CA1: variants seen among roughly 807,000 people sequenced by gnomAD.
CA1 encodes carbonic anhydrase 1, also known as carbonate dehydratase I.
Under a neutral mutation model 28.8 loss-of-function variants are expected in CA1, and 27 were observed. The ratio of observed to expected loss-of-function variants is 0.94; its 90% CI spans 0.69 to 1.29. The LOEUF is 1.29. Ranked by LOEUF, CA1 falls within the 50% of genes most tolerant of loss-of-function variation. CA1 has a pLI of 0.00. For synonymous variants in CA1, 121 were observed against 108.8 expected, an observed-to-expected ratio of 1.11 and a Z score of -0.70; for missense variants, 335 against 310.5, an observed-to-expected ratio of 1.08 and a Z score of -0.59.
chr8:85,360,376 C>T (rs369166166), intron 1 of CA1, among the ~76,000 whole-genome samples: 1 of 152,168 alleles, frequency 6.6e-6, no homozygotes, highest in Non-Finnish European at 1.5e-5. Flanking sequence ...GGGCACTCAA[C>T]AGTAAAGCCT....
intron 2 of CA1, 169 bp downstream of exon 2, chr8:85,341,430 G>T (rs1808925903): frequency 2.3e-5 from 13 of 554,318 alleles, no homozygotes; most frequent in Non-Finnish European, 3.8e-5. Flanking sequence ...AGTCAGCCAT[G>T]CCCCAAAAGA....
At chr8:85,359,957 A>G (rs538797339) in intron 1 of CA1, among the ~76,000 whole-genome samples, 1 of 152,336 alleles carries the variant, frequency 6.6e-6, no homozygotes, top group Admixed American at 6.5e-5. Flanking sequence ...GACTAAAACC[A>G]TGGAAAACAT....
chr8:85,361,181 C>T (rs1344453386), intron 1 of CA1, among the ~76,000 whole-genome samples: 3 of 152,130 alleles, frequency 2.0e-5, no homozygotes, highest in Non-Finnish European at 2.9e-5. Context: ...CTCAGACACT[C>T]TCAAGGGAGC....
chr8:85,359,542 G>C (rs1361189797), intron 1 of CA1, among the ~76,000 whole-genome samples: 1 of 152,208 alleles, frequency 6.6e-6, no homozygotes, highest in Non-Finnish European at 1.5e-5. Context: ...GACCCTTCTT[G>C]TATTAATTGG....
At position 85,329,854 on chromosome 8, in the gene CA1, A is replaced by G. The variant is rs761257291; in HGVS notation, c.514-10T>C. The G allele has an allele frequency of 5.1e-6, 8 of 1,570,962 alleles. No homozygotes were observed. The highest frequency in any genetic ancestry group is 6.1e-6 in the Non-Finnish European group (7 of 1,153,310). On this transcript the variant is annotated splice_polypyrimidine_tract_variant and intron_variant, in intron 6 of 7. Coordinates refer to ENST00000523022, the MANE Select transcript of CA1 (RefSeq NM_001128831.4). The stretch of plus-strand genomic sequence containing the variant: ...ATGGGGCTCGTTTGCCCTGGAAGAA[A>G]AGAATACATCATTACAGCATGATAT...
intron 1 of CA1, among the ~76,000 whole-genome samples, chr8:85,364,445 C>T (rs2130361773): frequency 6.6e-6 from 1 of 152,276 alleles, no homozygotes; most frequent in Non-Finnish European, 1.5e-5. Context: ...AAATCAGAGT[C>T]CGAATTTTAT....
At chr8:85,348,805 G>A (rs1323237972) in intron 1 of CA1, among the ~76,000 whole-genome samples, 1 of 152,112 alleles carries the variant, frequency 6.6e-6, no homozygotes, top group Non-Finnish European at 1.5e-5. Flanking sequence ...TTCTAAATGA[G>A]GATTAACGAT....
At chr8:85,347,954 T>G (rs747159986) in intron 1 of CA1, among the ~76,000 whole-genome samples, 1 of 152,206 alleles carries the variant, frequency 6.6e-6, no homozygotes, top group Non-Finnish European at 1.5e-5. Context: ...AAGTGATGTA[T>G]AATTATAACA....
intron 1 of CA1, among the ~76,000 whole-genome samples, chr8:85,360,702 A>G (rs1390291197): frequency 2.6e-5 from 4 of 152,306 alleles, no homozygotes; most frequent in South Asian, 2.1e-4. Context: ...AAATAAATAT[A>G]TAAATAAACA....
At chr8:85,349,917 T>C (rs368611432) in intron 1 of CA1, 10 of 152,310 alleles carry the variant, frequency 6.6e-5, no homozygotes, top group East Asian at 3.9e-4. Flanking sequence ...AGCAAAATTA[T>C]TTATTAGGGT....
At chr8:85,345,854 T>TCTTTGTAAGTGTCAAATTTTTGACA (rs1176182482) in intron 1 of CA1, among the ~76,000 whole-genome samples, 57 of 152,194 alleles carry the variant, frequency 3.7e-4, no homozygotes, top group Non-Finnish European at 4.9e-4. Flanking sequence ...AGAACACTGA[T>TCTTTGTAAGTGTCAAATTTTTGACA]CTTTGTAAGT....
chr8:85,336,376 A>C (rs77267725), intron 4 of CA1, among the ~76,000 whole-genome samples: 5,692 of 152,272 alleles, frequency 0.037, 163 homozygotes, highest in Non-Finnish European at 0.06. Flanking sequence ...TTTGGTGTAC[A>C]TGTCTCCATT....
At chr8:85,362,995 G>A (rs551440041) in intron 1 of CA1, among the ~76,000 whole-genome samples, 1 of 152,184 alleles carries the variant, frequency 6.6e-6, no homozygotes, top group Non-Finnish European at 1.5e-5. Flanking sequence ...ACAATAGCAC[G>A]AAAGAAAGTC....
chr8:85,335,415 A>G (rs761613551), intron 4 of CA1, among the ~76,000 whole-genome samples: 4 of 152,172 alleles, frequency 2.6e-5, no homozygotes, highest in Admixed American at 2.6e-4. Flanking sequence ...CTAATGCTAT[A>G]TTATCTAGAT....
In CA1 at chr8:85,337,037, T is replaced by G; in HGVS notation, c.262A>C (p.Ser88Arg). ...AAATGGAACTGAAAGAGCCTGTAGC[T>G]GTCAGAGAAAGGACCACCTTTCAGC... ...SVLKGGPFSD[S>R]YRLFQFHFHW... is the part of the protein sequence containing the mutation. Residue 88 changes from serine to arginine, a missense_variant, in exon 4 of 8, where the codon AGC becomes CGC. Physicochemically the swap from Ser to Arg is moderately radical, Grantham distance 110. Coordinates refer to ENST00000523022, the MANE Select transcript of CA1 (RefSeq NM_001128831.4). 6.2e-7 allele frequency: 1 copy of G among 1,612,566 alleles called. No individual in the cohort carries two copies. Among genetic ancestry groups the G allele is most frequent in the Non-Finnish European group, 8.5e-7 (1 of 1,178,648 alleles).
chr8:85,367,557 A>G, intron 1 of CA1, among the ~76,000 whole-genome samples: 1 of 152,224 alleles, frequency 6.6e-6, no homozygotes, highest in East Asian at 1.9e-4. Flanking sequence ...GTGGTTCTCA[A>G]ACATTTCTGT....
intron 4 of CA1, among the ~76,000 whole-genome samples, chr8:85,334,667 AT>A (rs1808569372): frequency 1.4e-5 from 2 of 146,110 alleles, no homozygotes; most frequent in South Asian, 4.3e-4. Flanking sequence ...TTCCTCTGAA[AT>A]TTTTATTTTC....
chr8:85,340,075 AAAC>A (rs1397772937), intron 2 of CA1, among the ~76,000 whole-genome samples: 1 of 152,242 alleles, frequency 6.6e-6, no homozygotes, highest in Non-Finnish European at 1.5e-5. Context: ...TGACTACACT[AAAC>A]AACAGATTTT....
chr8:85,351,036 G>A (rs1396306477), intron 1 of CA1, among the ~76,000 whole-genome samples: 1 of 152,172 alleles, frequency 6.6e-6, no homozygotes, highest in Non-Finnish European at 1.5e-5. Context: ...TTTACTGCGT[G>A]GTTGCTTGCA....
Sources: gnomAD v4.1 joint callset for allele counts (sites outside exome capture counted in the v4.1 genomes callset) on GRCh38, gnomAD v4.1.1 for gene constraint, MANE v1.5 for transcripts, NCBI Gene and HGNC (gene_info 2026-07-23, HGNC 2026-07-21) for gene names.